OR7D2: variants seen among roughly 807,000 people sequenced by gnomAD.
The protein encoded by OR7D2 is olfactory receptor 7D2.
For synonymous variants in OR7D2, 158 were observed against 158.7 expected, an observed-to-expected ratio of 1.00 and a Z score of 0.03; for missense variants, 370 against 384.1, an observed-to-expected ratio of 0.96 and a Z score of 0.31.
rs1198871441 is a variant in OR7D2 at position 9,186,059 on chromosome 19, C to G, written c.278C>G (p.Ser93Cys). The change falls in exon 3 of 3, where the codon TCC becomes TGC. Residue 93 changes from serine (S) to cysteine (C), a missense_variant. By Grantham distance (112) the Ser-to-Cys change is moderately radical. Coordinates refer to ENST00000641288, the MANE Select transcript of OR7D2 (RefSeq NM_175883.4). Reference protein sequence around the residue: ...VNIQTENKAISYMDCLTQVYF... With the variant: ...VNIQTENKAICYMDCLTQVYF... ...ATCCAGACCGAGAACAAAGCCATCT[C>G]CTACATGGACTGCCTCACACAGGTC... 3 of 1,614,040 alleles carry G rather than the reference C, an allele frequency of 1.9e-6. No individual in the cohort carries two copies. The African/African-American group carries it at 4.0e-5, about 22-fold the overall frequency.
intron 2 of OR7D2, among the ~76,000 whole-genome samples, chr19:9,181,444 CTTT>C (rs911771352): frequency 2.6e-5 from 2 of 77,942 alleles, no homozygotes; most frequent in South Asian, 4.4e-4. Context: ...ATTTCCTAGA[CTTT>C]TTTTTTTTTT....
intron 2 of OR7D2, among the ~76,000 whole-genome samples, chr19:9,182,094 G>A (rs143034043): frequency 1.1e-3 from 171 of 152,200 alleles, no homozygotes; most frequent in African/African-American, 4.0e-3. Flanking sequence ...ATTTCCTCAC[G>A]CCTGTTAGAA....
Position 9,186,732 on chromosome 19 carries a change from G to T in OR7D2, c.*12G>T. 6.5e-7 allele frequency: 1 copy of T among 1,550,018 alleles called. No individual in the cohort carries two copies. The highest frequency in any genetic ancestry group is 1.2e-5 in the South Asian group (1 of 82,016). On this transcript the variant is annotated 3_prime_UTR_variant, in exon 3 of 3. Coordinates refer to ENST00000641288, the MANE Select transcript of OR7D2 (RefSeq NM_175883.4). Reference sequence around the variant, plus strand: ...CCTCTTGTTTGTGATGGATCCCTTGGCCCCAGGACTAAGAAGTTTTGTGAG... The same window carrying T: ...CCTCTTGTTTGTGATGGATCCCTTGTCCCCAGGACTAAGAAGTTTTGTGAG...
intron 2 of OR7D2, chr19:9,182,751 G>GACCTGGTGATCCGCCCTCCTC (rs1268084686): frequency 6.0e-6 from 1 of 166,040 alleles, no homozygotes; most frequent in Non-Finnish European, 1.3e-5. Context: ...TCGATCTCCT[G>GACCTGGTGATCCGCCCTCCTC]ACCTGGTGAT....
At chr19:9,179,873 T>C (rs1439343360) in intron 1 of OR7D2, among the ~76,000 whole-genome samples, 1 of 151,832 alleles carries the variant, frequency 6.6e-6, no homozygotes, top group Non-Finnish European at 1.5e-5. Context: ...CATGGTGGTG[T>C]GTGCCTGTAG....
chr19:9,185,618 C>CT, intron 2 of OR7D2, 151 bp from the exon 3 acceptor site: 2 of 421,156 alleles, frequency 4.7e-6, no homozygotes, highest in East Asian at 6.9e-5. Context: ...AGTTCTCCCT[C>CT]TATTGCCCAG....
At position 9,186,734 on chromosome 19, in the gene OR7D2, C is replaced by A; in HGVS notation, c.*14C>A. On this transcript the variant is annotated 3_prime_UTR_variant, in exon 3 of 3. Transcript: ENST00000641288. ...TCTTGTTTGTGATGGATCCCTTGGC[C>A]CCAGGACTAAGAAGTTTTGTGAGCA... 1 of 1,545,340 alleles carries A rather than the reference C, an allele frequency of 6.5e-7. No homozygotes were observed. Among genetic ancestry groups the A allele is most frequent in the Non-Finnish European group, 8.7e-7 (1 of 1,145,884 alleles).
chr19:9,186,652 A>C lies in OR7D2; in HGVS notation c.871A>C (p.Ser291Arg), dbSNP rs1408600906. The C allele has an allele frequency of 4.3e-6, 7 of 1,614,042 alleles. No homozygotes were observed. The highest frequency in any genetic ancestry group is 2.7e-5 in the African/African-American group (2 of 74,918). Residue 291 changes from serine (S) to arginine (R), a missense_variant, in exon 3 of 3, where the codon AGC becomes CGC. Ser to Arg is a moderately radical substitution (Grantham distance 110). Transcript: ENST00000641288. ...CCCCATGTTGAACCCCTTCATCTAC[A>C]GCCTGAGGAACAAGGATGTGAAGGG... ...VTPMLNPFIY[S>R]LRNKDVKGAL...
intron 2 of OR7D2, among the ~76,000 whole-genome samples, chr19:9,183,761 T>G (rs1347714654): frequency 2.8e-5 from 4 of 144,638 alleles, no homozygotes; most frequent in East Asian, 2.2e-4. Context: ...ATCGAGACCA[T>G]CCTGGCTAAC....
chr19:9,183,774 G>A (rs1294982968), intron 2 of OR7D2, among the ~76,000 whole-genome samples: 11 of 147,744 alleles, frequency 7.4e-5, no homozygotes, highest in Non-Finnish European at 1.3e-4. Flanking sequence ...TGGCTAACAC[G>A]GTGAAACCCC....
chr19:9,184,428 A>G (rs1224093502), intron 2 of OR7D2, among the ~76,000 whole-genome samples: 1 of 152,070 alleles, frequency 6.6e-6, no homozygotes, highest in Non-Finnish European at 1.5e-5. Flanking sequence ...AAAAGGAAAA[A>G]GAAATTAAAA....
rs1364377226 is a variant in OR7D2 at position 9,185,851 on chromosome 19, C to T, written c.70C>T (p.Gln24Ter). The change falls in exon 3 of 3, where the codon CAG (glutamine) becomes TAG (stop). Residue 24 changes from glutamine (Q) to a stop codon, truncating the protein, a stop_gained. Coordinates refer to ENST00000641288, the MANE Select transcript of OR7D2 (RefSeq NM_175883.4). LOFTEE classifies it low-confidence loss of function (END_TRUNC). ...CGGACTCTCTGAGGATCCAGAACTACAGCCGTTCATATTTGGGCTGTTCCT... is the reference window on the plus strand; with the variant it reads ...CGGACTCTCTGAGGATCCAGAACTATAGCCGTTCATATTTGGGCTGTTCCT... ...LLGLSEDPEL[Q>*]PFIFGLFLSM... 6.2e-7 allele frequency: 1 copy of T among 1,612,574 alleles called. No homozygotes were observed. The highest frequency in any genetic ancestry group is 1.7e-5 in the Admixed American group (1 of 59,968).
At chr19:9,184,991 T>TAAAG (rs111421791) in intron 2 of OR7D2, among the ~76,000 whole-genome samples, 4 of 151,448 alleles carry the variant, frequency 2.6e-5, no homozygotes, top group African/African-American at 9.7e-5. Flanking sequence ...AAGTCAAATA[T>TAAAG]AGAGAATAAA....
intron 2 of OR7D2, chr19:9,183,108 C>G: frequency 3.8e-6 from 1 of 265,560 alleles, no homozygotes; most frequent in African/African-American, 2.3e-5. Flanking sequence ...CTCGTCAGGC[C>G]CACAGCCAGC....
chr19:9,185,777 G>C lies in OR7D2; in HGVS notation c.-5G>C. 1 of 1,561,672 alleles carries C rather than the reference G, an allele frequency of 6.4e-7. No individual in the cohort carries two copies. The highest frequency in any genetic ancestry group is 8.7e-7 in the Non-Finnish European group (1 of 1,152,512). ...GACCTCTTCTTTTGTAGATACATCA[G>C]CTACATGGAAGCAGGAAACCAAACA... is the stretch of plus-strand genomic sequence containing the variant. On this transcript the variant is annotated 5_prime_UTR_variant, in exon 3 of 3. Transcript: ENST00000641288.
In OR7D2 at chr19:9,187,519, C is replaced by G. The variant is rs1421874828; in HGVS notation, c.*799C>G. 1 of 164,754 alleles carries G rather than the reference C, an allele frequency of 6.1e-6. No homozygotes were observed. The highest frequency in any genetic ancestry group is 1.5e-5 in the Non-Finnish European group (1 of 67,926). The allele number at this position is 164,754 out of a possible 1,614,324, so 10.2% of individuals were successfully genotyped here. On this transcript the variant is annotated 3_prime_UTR_variant, in exon 3 of 3. Transcript: ENST00000641288. Reference sequence around the variant, plus strand: ...TTTTTAAAAAAATTTATTTTTATGTCAGTAGTTTTTGGGGTACATGTGGTT... The same window carrying G: ...TTTTTAAAAAAATTTATTTTTATGTGAGTAGTTTTTGGGGTACATGTGGTT...
Position 9,185,772 on chromosome 19 carries a change from C to A in OR7D2, c.-10C>A. The A allele has an allele frequency of 6.4e-7, 1 of 1,552,076 alleles. No individual in the cohort carries two copies. The highest frequency in any genetic ancestry group is 1.2e-5 in the South Asian group (1 of 80,506). On this transcript the variant is annotated 5_prime_UTR_variant, in exon 3 of 3. Coordinates refer to ENST00000641288, the MANE Select transcript of OR7D2 (RefSeq NM_175883.4). Reference sequence around the variant, plus strand: ...CTAATGACCTCTTCTTTTGTAGATACATCAGCTACATGGAAGCAGGAAACC... The same window carrying A: ...CTAATGACCTCTTCTTTTGTAGATAAATCAGCTACATGGAAGCAGGAAACC...
At chr19:9,184,549 C>T (rs529255677) in intron 2 of OR7D2, among the ~76,000 whole-genome samples, 2 of 152,160 alleles carry the variant, frequency 1.3e-5, no homozygotes, top group South Asian at 4.2e-4. Context: ...AATCCCTCCC[C>T]TGGATATGTA....
At chr19:9,182,251 A>C (rs1367176034) in intron 2 of OR7D2, 1 of 161,742 alleles carries the variant, frequency 6.2e-6, no homozygotes, top group African/African-American at 2.4e-5. Context: ...CTTTGCAATG[A>C]ACTTTATACA....
Sources: allele counts gnomAD v4.1 joint callset (sites outside exome capture counted in the v4.1 genomes callset), GRCh38; gene constraint gnomAD v4.1.1; transcripts MANE v1.5; gene names NCBI Gene and HGNC (gene_info 2026-07-23, HGNC 2026-07-21).